The following ISX variants were observed in gnomAD, a reference collection of about 807,000 sequenced individuals.
The protein encoded by ISX is intestine-specific homeobox.
ISX carries 15 observed loss-of-function variants against 16.9 expected under a neutral mutation model. That is an observed-to-expected ratio of 0.89 (90% CI 0.59 to 1.36). The LOEUF is 1.36. Among genes scored for constraint, ISX ranks in the 40% most tolerant of loss-of-function variants. The pLI is 0.00. For synonymous variants in ISX, 125 were observed against 119.7 expected (o/e 1.04, Z -0.29); for missense variants, 316 against 306.1 (o/e 1.03, Z -0.24).
Position 35,070,492 on chromosome 22 carries a change from C to A in ISX, c.229+3176C>A, listed in dbSNP as rs361785. 1.2e-4 allele frequency among the ~76,000 whole-genome samples: 18 copies of A among 152,146 alleles called. 1 individual carries two copies. Among genetic ancestry groups the A allele is most frequent in the African/African-American group, 3.9e-4 (16 of 41,514 alleles). On this transcript the variant is annotated intron_variant, in intron 2 of 4. Transcript: ENST00000404699. ...TTGTGGGGAAATCATAGGCCCCAGG[C>A]GAAAGGTGATAGAAAATTGACAAGG... is the stretch of plus-strand genomic sequence containing the variant.
Position 35,084,279 on chromosome 22 carries a change from T to C in ISX, c.382-104T>C, listed in dbSNP as rs1053855800. The C allele has an allele frequency of 4.3e-5, 32 of 751,648 alleles. 2 individuals carry two copies. In the South Asian group the frequency reaches 5.1e-4, roughly 12 times the overall value. The allele number at this position is 751,648 out of a possible 1,614,324, so 46.6% of individuals were successfully genotyped here. On this transcript the variant is annotated intron_variant, in intron 3 of 4. Transcript: ENST00000404699. ...GGATGCCACAGAGCTTTACAAACTA[T>C]AAAGTACAGTCCCTTGGAAGGTGTA... is the stretch of plus-strand genomic sequence containing the variant.
Position 35,067,278 on chromosome 22 carries a change from G to T in ISX, c.191G>T (p.Gly64Val). The change falls in exon 2 of 5, where the codon GGC becomes GTC. Residue 64 changes from glycine (G) to valine (V), a missense_variant. Gly to Val is a moderately radical substitution (Grantham distance 109, BLOSUM62 -3). Transcript: ENST00000404699. ...GGCCCCGGAGAAGCTGCGGCCTCAGGCTCTGGGCTAGAAAAGCCTCCAAAG... is the reference window on the plus strand; with the variant it reads ...GGCCCCGGAGAAGCTGCGGCCTCAGTCTCTGGGCTAGAAAAGCCTCCAAAG... ...EEGPGEAAAS[G>V]SGLEKPPKDQ... 2 of 1,590,592 alleles carry T rather than the reference G, an allele frequency of 1.3e-6. No individual in the cohort carries two copies. The highest frequency in any genetic ancestry group is 2.3e-5 in the East Asian group (1 of 43,582).
chr22:35,076,099 TAA>T (rs10531455), intron 2 of ISX, among the ~76,000 whole-genome samples: 62,773 of 148,100 alleles, frequency 0.42, 13,808 homozygotes, highest in Non-Finnish European at 0.51. Context: ...ACTCTTAAAT[TAA>T]AAAAAAAAAA....
chr22:35,073,153 T>A (rs1928898721), intron 2 of ISX, among the ~76,000 whole-genome samples: 1 of 152,158 alleles, frequency 6.6e-6, no homozygotes, highest in African/African-American at 2.4e-5. Flanking sequence ...TTACATCACA[T>A]CACTTTCACT....
chr22:35,066,893 C>A lies in ISX; in HGVS notation c.-195C>A. The A allele has an allele frequency of 1.7e-6, 1 of 579,354 alleles. No homozygotes were observed. The highest frequency in any genetic ancestry group is 3.0e-5 in the Admixed American group (1 of 33,232). The allele number at this position is 579,354 out of a possible 1,614,324, so 35.9% of individuals were successfully genotyped here. On this transcript the variant is annotated 5_prime_UTR_variant, in exon 2 of 5. Transcript: ENST00000404699. ...TGAGCCGTGGGCACAGGATACCACT[C>A]CTTCCAGCTCTTCTGCTGTGACCTG...
In ISX at chr22:35,087,249, G is replaced by A. The variant is rs1292886349; in HGVS notation, c.*1556G>A. ...CACCAGGTCTCTAGCACCGCTGGAT[G>A]AAAGGAGAAGGCTAGAGGCTGAGGG... On this transcript the variant is annotated 3_prime_UTR_variant, in exon 5 of 5. Coordinates refer to ENST00000404699, the MANE Select transcript of ISX (RefSeq NM_001303508.2). 1 of 152,388 alleles carries A rather than the reference G, an allele frequency of 6.6e-6. No homozygotes were observed. The highest frequency in any genetic ancestry group is 1.9e-4 in the East Asian group (1 of 5,186). The allele number at this position is 152,388 out of a possible 1,614,324, so 9.4% of individuals were successfully genotyped here.
chr22:35,067,834 G>C (rs916202898), intron 2 of ISX, among the ~76,000 whole-genome samples: 1 of 152,154 alleles, frequency 6.6e-6, no homozygotes, highest in African/African-American at 2.4e-5. Context: ...AACTTCCAGG[G>C]GCTGAAGCTT....
At position 35,067,169 on chromosome 22, in the gene ISX, A is replaced by T. The variant is rs361863; in HGVS notation, c.82A>T (p.Ser28Cys). 6.2e-7 allele frequency: 1 copy of T among 1,613,186 alleles called. No homozygotes were observed. Among genetic ancestry groups the T allele is most frequent in the East Asian group, 2.2e-5 (1 of 44,830 alleles). Residue 28 changes from serine (S) to cysteine (C), a missense_variant, in exon 2 of 5, where the codon AGC becomes TGC. Physicochemically the swap from Ser to Cys is moderately radical, Grantham distance 112. Coordinates refer to ENST00000404699, the MANE Select transcript of ISX (RefSeq NM_001303508.2). ...GTGCTGTGAGGCCCCGAAGAAGCTG[A>T]GCCTGTCCTTCTCCATTGAGGCGAT... is the stretch of plus-strand genomic sequence containing the variant. ...LGCCEAPKKLSLSFSIEAILK... is the reference protein window; with the variant it reads ...LGCCEAPKKLCLSFSIEAILK...
chr22:35,086,154 G>A lies in ISX; in HGVS notation c.*461G>A, dbSNP rs112374826. The A allele has an allele frequency of 3.9e-4, 94 of 238,776 alleles. 2 individuals are homozygous for A. Among genetic ancestry groups the A allele is most frequent in the African/African-American group, 2.0e-3 (88 of 44,610 alleles). The allele number at this position is 238,776 out of a possible 1,614,324, so 14.8% of individuals were successfully genotyped here. A position where few individuals can be genotyped will look rare whatever the true frequency, so the allele number is the denominator to read the frequency against. On this transcript the variant is annotated 3_prime_UTR_variant, in exon 5 of 5. Transcript: ENST00000404699. ...TGTTTGTTCATGCATGCATTCATCC[G>A]TGACACATGAGTACCTACTGAGGAC...
chr22:35,074,462 C>G (rs951807598), intron 2 of ISX, among the ~76,000 whole-genome samples: 2 of 152,170 alleles, frequency 1.3e-5, no homozygotes, highest in African/African-American at 2.4e-5. Context: ...ATATGGAAAC[C>G]TCAAGTTTCT....
At chr22:35,067,422 T>C (rs1928733859) in intron 2 of ISX, 106 bp downstream of exon 2, 1 of 756,134 alleles carries the variant, frequency 1.3e-6, no homozygotes, top group Non-Finnish European at 2.1e-6. Flanking sequence ...TAGAGGACTC[T>C]AAAATTCAGA....
chr22:35,069,172 C>A (rs927144127), intron 2 of ISX, among the ~76,000 whole-genome samples: 3 of 152,154 alleles, frequency 2.0e-5, no homozygotes, highest in Admixed American at 1.3e-4. Context: ...TGTGTATGAT[C>A]ATGATATAAG....
In ISX at chr22:35,067,157, C is replaced by T. The variant is rs1008666860; in HGVS notation, c.70C>T (p.Pro24Ser). 2 of 1,613,694 alleles carry T rather than the reference C, an allele frequency of 1.2e-6. No individual in the cohort carries two copies. The highest frequency in any genetic ancestry group is 1.7e-5 in the Admixed American group (1 of 60,012). The change falls in exon 2 of 5, where the codon CCG becomes TCG. Residue 24 changes from proline to serine, a missense_variant. Physicochemically the swap from Pro to Ser is moderately conservative, Grantham distance 74 (BLOSUM62 -1). Transcript: ENST00000404699. Reference sequence around the variant, plus strand: ...AAATAGCTTGGGGTGCTGTGAGGCCCCGAAGAAGCTGAGCCTGTCCTTCTC... The same window carrying T: ...AAATAGCTTGGGGTGCTGTGAGGCCTCGAAGAAGCTGAGCCTGTCCTTCTC... Reference protein sequence around the residue: ...ERNSLGCCEAPKKLSLSFSIE... With the variant: ...ERNSLGCCEASKKLSLSFSIE...
intron 3 of ISX, 30 bp downstream of exon 3, chr22:35,082,699 C>T (rs756109643): frequency 3.1e-6 from 5 of 1,611,974 alleles, no homozygotes; most frequent in Admixed American, 1.7e-5. Context: ...AGCCCCCAGC[C>T]TCCATGCCCT....
chr22:35,081,393 A>G (rs1929120493), intron 2 of ISX, among the ~76,000 whole-genome samples: 1 of 152,228 alleles, frequency 6.6e-6, no homozygotes. Context: ...CTGTGCTTAG[A>G]AGGAGGCCCT....
In ISX at chr22:35,069,600, A is replaced by G. The variant is rs376949793; in HGVS notation, c.229+2284A>G. ...ACTGTAGAATCTTTCTCCCTGGGGA[A>G]AGGATGGTCATGATCCCAGGCAGGG... On this transcript the variant is annotated intron_variant, in intron 2 of 4. Transcript: ENST00000404699. 1.2e-4 allele frequency among the ~76,000 whole-genome samples: 19 copies of G among 152,324 alleles called. 1 individual carries two copies. Among genetic ancestry groups the G allele is most frequent in the African/African-American group, 4.3e-4 (18 of 41,578 alleles).
intron 2 of ISX, among the ~76,000 whole-genome samples, chr22:35,068,349 A>T (rs1052835265): frequency 6.6e-6 from 1 of 152,170 alleles, no homozygotes; most frequent in Non-Finnish European, 1.5e-5. Context: ...CAAGTCTCCC[A>T]TGGAGGGAGC....
chr22:35,078,066 C>G (rs1929031047), intron 2 of ISX, among the ~76,000 whole-genome samples: 1 of 152,170 alleles, frequency 6.6e-6, no homozygotes, highest in Admixed American at 6.5e-5. Context: ...GTTCCACACC[C>G]CACATTCTCT....
At chr22:35,068,802 T>G (rs1928773451) in intron 2 of ISX, among the ~76,000 whole-genome samples, 1 of 152,214 alleles carries the variant, frequency 6.6e-6, no homozygotes, top group Non-Finnish European at 1.5e-5. Flanking sequence ...TGGTGGTATA[T>G]TCCTTCCACA....
Sources: gnomAD v4.1 joint callset for allele counts (sites outside exome capture counted in the v4.1 genomes callset) on GRCh38, gnomAD v4.1.1 for gene constraint, MANE v1.5 for transcripts, NCBI Gene and HGNC (gene_info 2026-07-23, HGNC 2026-07-21) for gene names.